The following KCNQ5 variants were observed in gnomAD, a reference collection of about 807,000 sequenced individuals.
KCNQ5 encodes the protein potassium voltage-gated channel subfamily Q member 5.
A neutral mutation model predicts 98.2 loss-of-function variants in KCNQ5; 30 were observed. The observed-to-expected ratio is 0.31, with a 90% CI of 0.23 to 0.41. The LOEUF (loss-of-function observed/expected upper bound fraction) is 0.41. KCNQ5 is among the 10% of genes least tolerant of loss of function. The probability of loss-of-function intolerance (pLI) is 1.00; values close to 1 mark genes in which losing one functional copy is unlikely to be tolerated. For synonymous variants in KCNQ5, 458 were observed against 449.4 expected, an observed-to-expected ratio of 1.02 and a Z score of -0.24; for missense variants, 835 against 1,182.5, an observed-to-expected ratio of 0.71 and a Z score of 4.31.
intron 1 of KCNQ5, among the ~76,000 whole-genome samples, chr6:72,869,535 G>A (rs1161152012): frequency 6.6e-6 from 1 of 152,170 alleles, no homozygotes; most frequent in Non-Finnish European, 1.5e-5. Context: ...ATACATGAGT[G>A]TCTTTTCCCC....
chr6:73,024,419 T>A (rs1015238954), intron 2 of KCNQ5, among the ~76,000 whole-genome samples: 2 of 630 alleles, frequency 3.2e-3, no homozygotes, highest in East Asian at 0.1. Context: ...AGATAGATAG[T>A]TGATAGACAG....
In KCNQ5 at chr6:72,838,563, A is replaced by G. The variant is rs371496239; in HGVS notation, c.399-165345A>G. On this transcript the variant is annotated intron_variant, in intron 1 of 13. Transcript: ENST00000370398. ...ACACTTAAAATAGTTACAGACCACA[A>G]ATTTGTGAGAAATTTCACTTCACAC... is the stretch of plus-strand genomic sequence containing the variant. Among the ~76,000 whole-genome samples, 39 of 152,268 alleles carry G rather than the reference A, an allele frequency of 2.6e-4. No homozygotes were observed. In the South Asian group the frequency reaches 7.9e-3, roughly 31 times the overall value.
intron 1 of KCNQ5, among the ~76,000 whole-genome samples, chr6:72,971,882 A>C (rs1014879203): frequency 9.9e-5 from 15 of 152,156 alleles, no homozygotes; most frequent in Non-Finnish European, 2.2e-4. Flanking sequence ...AGATATACCT[A>C]ATGTAAATGA....
At chr6:73,033,585 C>A (rs756762585) in intron 2 of KCNQ5, among the ~76,000 whole-genome samples, 7 of 152,182 alleles carry the variant, frequency 4.6e-5, no homozygotes, top group Non-Finnish European at 8.8e-5. Flanking sequence ...GCCTTCCAAT[C>A]AATGAGACTA....
intron 1 of KCNQ5, among the ~76,000 whole-genome samples, chr6:72,672,944 A>G (rs1021133348): frequency 1.3e-5 from 2 of 152,232 alleles, no homozygotes; most frequent in Non-Finnish European, 2.9e-5. Flanking sequence ...AGGTAATCCA[A>G]TAATTGTCTT....
chr6:72,941,561 TCCTTCCTTCCTCCTTCCCTCCCTC>T (rs1378848520), intron 1 of KCNQ5, among the ~76,000 whole-genome samples: 20 of 73,922 alleles, frequency 2.7e-4, no homozygotes, highest in Non-Finnish European at 5.3e-4. Context: ...CTTCCCTCCC[TCCTTCCTTCCTCCTTCCCTCCCTC>T]CCTTCCTTCC....
chr6:73,044,677 A>T (rs1226383339), intron 3 of KCNQ5, among the ~76,000 whole-genome samples: 1 of 152,226 alleles, frequency 6.6e-6, no homozygotes, highest in Non-Finnish European at 1.5e-5. Context: ...AGGTTCATAA[A>T]AACGCTTGAT....
chr6:73,170,101 G>A (rs1008354653), intron 11 of KCNQ5, among the ~76,000 whole-genome samples: 3 of 152,150 alleles, frequency 2.0e-5, no homozygotes, highest in Admixed American at 6.5e-5. Context: ...GAGATTACAC[G>A]AGTCTTGGCT....
At chr6:72,873,410 A>T (rs1338559721) in intron 1 of KCNQ5, among the ~76,000 whole-genome samples, 3 of 152,132 alleles carry the variant, frequency 2.0e-5, no homozygotes, top group Non-Finnish European at 4.4e-5. Flanking sequence ...AAACAACCTC[A>T]AATCCCAGTA....
chr6:72,882,310 CAA>C (rs1033526422), intron 1 of KCNQ5, among the ~76,000 whole-genome samples: 2 of 152,124 alleles, frequency 1.3e-5, no homozygotes, highest in African/African-American at 4.8e-5. Flanking sequence ...TCCTGCTGTA[CAA>C]AGAGAGCATC....
chr6:72,799,756 A>G (rs896991772), intron 1 of KCNQ5, among the ~76,000 whole-genome samples: 2 of 152,144 alleles, frequency 1.3e-5, no homozygotes, highest in Non-Finnish European at 2.9e-5. Context: ...TTGAATGAGA[A>G]TTATAACCAG....
At chr6:72,741,061 T>G (rs1483375337) in intron 1 of KCNQ5, among the ~76,000 whole-genome samples, 1 of 151,982 alleles carries the variant, frequency 6.6e-6, no homozygotes, top group East Asian at 1.9e-4. Flanking sequence ...GGGAAGAGAG[T>G]GCAGATGAGA....
chr6:72,789,889 C>T (rs1773942383), intron 1 of KCNQ5, among the ~76,000 whole-genome samples: 1 of 151,986 alleles, frequency 6.6e-6, no homozygotes, highest in African/African-American at 2.4e-5. Context: ...TGGAAAGGAC[C>T]TCTTGGATAG....
chr6:72,722,849 C>CTTTTTT (rs539617196), intron 1 of KCNQ5, among the ~76,000 whole-genome samples: 1 of 126,342 alleles, frequency 7.9e-6, no homozygotes, highest in African/African-American at 3.0e-5. Context: ...GTTTGGTTGA[C>CTTTTTT]TTTTTTTTTT....
chr6:72,838,224 A>G (rs1049592771), intron 1 of KCNQ5, among the ~76,000 whole-genome samples: 2 of 151,438 alleles, frequency 1.3e-5, no homozygotes, highest in Non-Finnish European at 2.9e-5. Flanking sequence ...AGACTTCAGT[A>G]GCTCTTTTCC....
intron 1 of KCNQ5, among the ~76,000 whole-genome samples, chr6:72,686,988 C>A (rs746718496): frequency 1.2e-4 from 18 of 152,034 alleles, no homozygotes; most frequent in Non-Finnish European, 2.5e-4. Context: ...TAAACATAAT[C>A]TGGATAATTC....
intron 1 of KCNQ5, among the ~76,000 whole-genome samples, chr6:72,639,745 C>T (rs1179510135): frequency 6.6e-6 from 1 of 151,886 alleles, no homozygotes; most frequent in African/African-American, 2.4e-5. Flanking sequence ...GATTAGGGTG[C>T]ATAATTGATA....
chr6:72,933,863 G>C (rs1765788265), intron 1 of KCNQ5, among the ~76,000 whole-genome samples: 1 of 152,218 alleles, frequency 6.6e-6, no homozygotes, highest in East Asian at 1.9e-4. Context: ...AATTATTCTA[G>C]TTTTAGGCAA....
chr6:73,116,005 A>G (rs935788501), intron 7 of KCNQ5, among the ~76,000 whole-genome samples: 4 of 152,230 alleles, frequency 2.6e-5, no homozygotes, highest in Non-Finnish European at 5.9e-5. Flanking sequence ...TTCATGATGC[A>G]TTTGACCAGA....
Sources: gnomAD v4.1 joint callset for allele counts (sites outside exome capture counted in the v4.1 genomes callset) on GRCh38, gnomAD v4.1.1 for gene constraint, MANE v1.5 for transcripts, NCBI Gene and HGNC (gene_info 2026-07-23, HGNC 2026-07-21) for gene names.